Variants in PBX3 observed in about 807,000 individuals in gnomAD.
PBX3 encodes pre-B-cell leukemia transcription factor 3.
PBX3 carries 14 observed loss-of-function variants against 48.5 expected under a neutral mutation model. The ratio of observed to expected loss-of-function variants is 0.29; its 90% CI spans 0.19 to 0.45. The LOEUF is 0.45. Ranked by LOEUF, PBX3 falls within the 20% of genes least tolerant of loss-of-function variation. The probability of loss-of-function intolerance (pLI) is 1.00; values close to 1 mark genes in which losing one functional copy is unlikely to be tolerated. For synonymous variants in PBX3, 210 were observed against 200.3 expected (o/e 1.05, Z -0.41); for missense variants, 386 against 546.7 (o/e 0.71, Z 2.93).
At chr9:125,762,049 T>C (rs989048608) in intron 2 of PBX3, among the ~76,000 whole-genome samples, 3 of 152,234 alleles carry the variant, frequency 2.0e-5, no homozygotes, top group Admixed American at 6.5e-5. Flanking sequence ...AGGGGCAGTT[T>C]ATATTCTAAA....
chr9:125,785,465 T>A (rs1053467837), intron 2 of PBX3, among the ~76,000 whole-genome samples: 2 of 152,342 alleles, frequency 1.3e-5, no homozygotes, highest in Admixed American at 1.3e-4. Context: ...GACTCCAGGT[T>A]CTTCGGCCTT....
At chr9:125,827,066 ACT>A (rs1838828922) in intron 2 of PBX3, among the ~76,000 whole-genome samples, 2 of 152,134 alleles carry the variant, frequency 1.3e-5, no homozygotes, top group African/African-American at 4.8e-5. Context: ...GGTGTCTGTC[ACT>A]CTATTCTCTA....
chr9:125,810,900 TGCGAG>T (rs942387107), intron 2 of PBX3, among the ~76,000 whole-genome samples: 5 of 152,178 alleles, frequency 3.3e-5, no homozygotes, highest in Admixed American at 3.3e-4. Context: ...GCTCCCAAGA[TGCGAG>T]GTGTGGTATC....
chr9:125,870,611 G>A (rs997025085), intron 2 of PBX3, among the ~76,000 whole-genome samples: 20 of 152,188 alleles, frequency 1.3e-4, no homozygotes, highest in African/African-American at 4.6e-4. Context: ...AATTGTGGGA[G>A]CTACAATTCA....
At chr9:125,823,529 A>G (rs1324274341) in intron 2 of PBX3, among the ~76,000 whole-genome samples, 1 of 151,940 alleles carries the variant, frequency 6.6e-6, no homozygotes, top group East Asian at 1.9e-4. Context: ...AGGAGGATAA[A>G]TTACTTTTTT....
chr9:125,770,181 A>G (rs540187613), intron 2 of PBX3, among the ~76,000 whole-genome samples: 8 of 152,338 alleles, frequency 5.3e-5, no homozygotes, highest in Admixed American at 2.0e-4. Context: ...AGCCTATGCT[A>G]TAATAGCAGA....
At chr9:125,911,770 A>AT (rs1841208829) in intron 2 of PBX3, among the ~76,000 whole-genome samples, 1 of 152,126 alleles carries the variant, frequency 6.6e-6, no homozygotes, top group African/African-American at 2.4e-5. Context: ...GAGAAAAAAA[A>AT]ATCAAACAAC....
At chr9:125,819,055 C>T (rs996833490) in intron 2 of PBX3, among the ~76,000 whole-genome samples, 4 of 151,082 alleles carry the variant, frequency 2.6e-5, no homozygotes, top group Non-Finnish European at 4.4e-5. Flanking sequence ...AGGCTAGTCT[C>T]GAACTCCTGG....
chr9:125,752,180 C>T (rs1052770001), intron 2 of PBX3, among the ~76,000 whole-genome samples: 3 of 152,066 alleles, frequency 2.0e-5, no homozygotes, highest in African/African-American at 7.2e-5. Flanking sequence ...CGTTCATTTA[C>T]TAGTAATGTC....
chr9:125,890,536 G>A (rs575285753), intron 2 of PBX3, among the ~76,000 whole-genome samples: 3 of 152,194 alleles, frequency 2.0e-5, no homozygotes, highest in Admixed American at 6.5e-5. Flanking sequence ...ATTTAAATAC[G>A]GACACCATAG....
At position 125,780,920 on chromosome 9, in the gene PBX3, G is replaced by T. The variant is rs544921730; in HGVS notation, c.274+32297G>T. On this transcript the variant is annotated intron_variant, in intron 2 of 8. Transcript: ENST00000373489. ...CGGAGGGTCTCCTCACTTCTCAGAG[G>T]GGGCAGCTGGGCAGAGACGCTCCTC... Among the ~76,000 whole-genome samples, 9 of 140,690 alleles carry T rather than the reference G, an allele frequency of 6.4e-5. No homozygotes were observed. In the South Asian group the frequency reaches 1.9e-3, roughly 30 times the overall value. The allele number at this position is 140,690 out of a possible 152,430, so 92.3% of individuals were successfully genotyped here.
chr9:125,862,998 A>G (rs530003086), intron 2 of PBX3, among the ~76,000 whole-genome samples: 4 of 151,844 alleles, frequency 2.6e-5, no homozygotes, highest in Non-Finnish European at 5.9e-5. Flanking sequence ...CCTGGGCTTT[A>G]GTGATCCTCC....
intron 2 of PBX3, among the ~76,000 whole-genome samples, chr9:125,835,857 C>CAA (rs959994847): frequency 1.3e-5 from 2 of 151,158 alleles, no homozygotes; most frequent in African/African-American, 4.9e-5. Context: ...GGCATATATC[C>CAA]AAAAAAAAGG....
Position 125,915,841 on chromosome 9 carries a change from G to T in PBX3, c.430G>T (p.Asp144Tyr). ...AAAAASGGSS[D>Y]NSIEHSDYRA... ...CGCGGCAGCCTCTGGAGGTTCTTCAGATAACTCTATTGAACACTCAGATTA... is the reference window on the plus strand; with the variant it reads ...CGCGGCAGCCTCTGGAGGTTCTTCATATAACTCTATTGAACACTCAGATTA... Residue 144 changes from aspartate (D) to tyrosine (Y), a missense_variant, in exon 3 of 9, where the codon GAT (aspartate) becomes TAT (tyrosine). Coordinates refer to ENST00000373489, the MANE Select transcript of PBX3 (RefSeq NM_006195.6). 6.2e-7 allele frequency: 1 copy of T among 1,614,090 alleles called. No individual in the cohort carries two copies. Among genetic ancestry groups the T allele is most frequent in the Non-Finnish European group, 8.5e-7 (1 of 1,180,000 alleles).
chr9:125,927,380 A>T (rs1841601229), intron 3 of PBX3, among the ~76,000 whole-genome samples: 1 of 152,254 alleles, frequency 6.6e-6, no homozygotes, highest in Admixed American at 6.5e-5. Flanking sequence ...TACCTTAGAA[A>T]TATTTATGGA....
chr9:125,865,902 C>G (rs1213875192), intron 2 of PBX3, among the ~76,000 whole-genome samples: 1 of 151,928 alleles, frequency 6.6e-6, no homozygotes, highest in Non-Finnish European at 1.5e-5. Flanking sequence ...GGTAATGTGT[C>G]AGGACAAAGT....
chr9:125,807,847 G>T (rs1222304262), intron 2 of PBX3, among the ~76,000 whole-genome samples: 1 of 152,040 alleles, frequency 6.6e-6, no homozygotes, highest in Admixed American at 6.6e-5. Flanking sequence ...TTCCTGGGCA[G>T]GATATATCAG....
At chr9:125,965,769 T>C in intron 8 of PBX3, 62 bp from the exon 9 acceptor site, 1 of 1,262,714 alleles carries the variant, frequency 7.9e-7, no homozygotes, top group South Asian at 1.2e-5. Flanking sequence ...CCGGGTGTTT[T>C]AAATTGGGGA....
rs528777583 is a variant in PBX3, at chr9:125,877,355, A to G, written c.275-38331A>G. ...TACCCCACTTGTTTTAGACAAATCT[A>G]TTTGGGTTTGCAATTTCAGCTAGAT... is the stretch of plus-strand genomic sequence containing the variant. On this transcript the variant is annotated intron_variant, in intron 2 of 8. Coordinates refer to ENST00000373489, the MANE Select transcript of PBX3 (RefSeq NM_006195.6). Among the ~76,000 whole-genome samples the G allele has an allele frequency of 1.4e-4, 21 of 152,234 alleles. No homozygotes were observed. In the East Asian group the frequency reaches 1.7e-3, roughly 13 times the overall value.
Sources: allele counts gnomAD v4.1 joint callset (sites outside exome capture counted in the v4.1 genomes callset), GRCh38; gene constraint gnomAD v4.1.1; transcripts MANE v1.5; gene names NCBI Gene and HGNC (gene_info 2026-07-23, HGNC 2026-07-21).